Variants in PKNOX2 observed in about 807,000 individuals in gnomAD.
PKNOX2 encodes PBX/knotted 1 homeobox 2.
In PKNOX2, 14 loss-of-function variants were observed where a neutral mutation model predicts 53.1. The observed-to-expected ratio is 0.26, with a 90% confidence interval of 0.17 to 0.41. PKNOX2 has a LOEUF of 0.41. Ranked by LOEUF, PKNOX2 falls within the 10% of genes least tolerant of loss-of-function variation. The probability of loss-of-function intolerance (pLI) is 1.00; values close to 1 mark genes in which losing one functional copy is unlikely to be tolerated. For synonymous variants in PKNOX2, 257 were observed against 242.8 expected, an observed-to-expected ratio of 1.06 and a Z score of -0.54; for missense variants, 496 against 602.8, an observed-to-expected ratio of 0.82 and a Z score of 1.85.
In PKNOX2 at chr11:125,337,707, C is replaced by T. The variant is rs138387867; in HGVS notation, c.-23+5782C>T. Among the ~76,000 whole-genome samples, 175 of 151,126 alleles carry T rather than the reference C, an allele frequency of 1.2e-3. 1 individual carries two copies. Among genetic ancestry groups the T allele is most frequent in the African/African-American group, 3.9e-3 (158 of 40,462 alleles). On this transcript the variant is annotated intron_variant, in intron 3 of 12. Transcript: ENST00000298282. ...GCACAGGGAAATCTCCATTTTGCTA[C>T]GACTTCATTTCTTTTCCTTTGTCGT...
intron 1 of PKNOX2, among the ~76,000 whole-genome samples, chr11:125,222,202 G>A (rs1006561853): frequency 2.0e-5 from 3 of 152,128 alleles, no homozygotes; most frequent in African/African-American, 7.2e-5. Context: ...AACTGCCTTG[G>A]GGCCACAGTG....
intron 2 of PKNOX2, among the ~76,000 whole-genome samples, chr11:125,302,623 T>C (rs1219317795): frequency 4.6e-5 from 7 of 152,108 alleles, no homozygotes; most frequent in Non-Finnish European, 1.0e-4. Flanking sequence ...TGGGGGTGTT[T>C]AAAACAAGGC....
chr11:125,220,477 T>C (rs1941020647), intron 1 of PKNOX2, among the ~76,000 whole-genome samples: 1 of 152,072 alleles, frequency 6.6e-6, no homozygotes, highest in Non-Finnish European at 1.5e-5. Flanking sequence ...GGTGTGGGAT[T>C]GAGGGAGAAG....
At chr11:125,266,458 G>A (rs1945349539) in intron 2 of PKNOX2, among the ~76,000 whole-genome samples, 1 of 152,210 alleles carries the variant, frequency 6.6e-6, no homozygotes, top group South Asian at 2.1e-4. Context: ...CGAGACAGAG[G>A]CTGGAAGACA....
chr11:125,315,671 C>A (rs1949137665), intron 2 of PKNOX2, among the ~76,000 whole-genome samples: 1 of 152,166 alleles, frequency 6.6e-6, no homozygotes, highest in Non-Finnish European at 1.5e-5. Context: ...GCGTAGTGAC[C>A]CGCTCCATGC....
At chr11:125,228,954 C>A (rs1467680652) in intron 1 of PKNOX2, among the ~76,000 whole-genome samples, 1 of 152,136 alleles carries the variant, frequency 6.6e-6, no homozygotes, top group Non-Finnish European at 1.5e-5. Flanking sequence ...GGGAAAGTGT[C>A]CACAATGAAG....
At chr11:125,267,741 A>T (rs1339525480) in intron 2 of PKNOX2, among the ~76,000 whole-genome samples, 2 of 149,560 alleles carry the variant, frequency 1.3e-5, no homozygotes, top group Non-Finnish European at 2.9e-5. Flanking sequence ...TGTGTTGTGC[A>T]TGTGTGCGCG....
At chr11:125,300,454 T>C (rs576728953) in intron 2 of PKNOX2, among the ~76,000 whole-genome samples, 2 of 152,312 alleles carry the variant, frequency 1.3e-5, no homozygotes, top group African/African-American at 4.8e-5. Context: ...CCCACAGTTC[T>C]CCAGCTGGCA....
intron 7 of PKNOX2, among the ~76,000 whole-genome samples, chr11:125,403,355 A>G (rs538185537): frequency 6.6e-6 from 1 of 152,240 alleles, no homozygotes; most frequent in East Asian, 1.9e-4. Context: ...AGGGCTGGAG[A>G]CACGCTGGAG....
At chr11:125,360,701 G>T (rs559844368) in intron 4 of PKNOX2, among the ~76,000 whole-genome samples, 1 of 152,340 alleles carries the variant, frequency 6.6e-6, no homozygotes, top group Non-Finnish European at 1.5e-5. Flanking sequence ...GCCCACATGA[G>T]AGAAACAACA....
At chr11:125,361,000 C>T (rs1951895191) in intron 4 of PKNOX2, among the ~76,000 whole-genome samples, 1 of 152,198 alleles carries the variant, frequency 6.6e-6, no homozygotes, top group Admixed American at 6.5e-5. Flanking sequence ...CTGGGCTGGA[C>T]ACCCAAATCC....
At chr11:125,392,968 G>C (rs1277466426) in intron 6 of PKNOX2, among the ~76,000 whole-genome samples, 1 of 151,806 alleles carries the variant, frequency 6.6e-6, no homozygotes, top group East Asian at 1.9e-4. Flanking sequence ...ACTATCCTGG[G>C]AAACACAGTG....
In PKNOX2 at chr11:125,240,525, G is replaced by A. The variant is rs980503825; in HGVS notation, c.-130+5410G>A. 2.6e-5 allele frequency among the ~76,000 whole-genome samples: 4 copies of A among 152,124 alleles called. No individual in the cohort carries two copies. The highest frequency in any genetic ancestry group is 9.7e-5 in the African/African-American group (4 of 41,436). The stretch of plus-strand genomic sequence containing the variant: ...GAGACCCTTTCCCGCTGCAAGCAGG[G>A]CAAGAGGCTTTGAGCAGAGTTTGGA... On this transcript the variant is annotated intron_variant, in intron 2 of 12. Coordinates refer to ENST00000298282, the MANE Select transcript of PKNOX2 (RefSeq NM_001382323.2). This position sits in a 1 kb window ranked among gnomAD's most constrained non-coding sequence, Gnocchi z 4.3.
At chr11:125,428,201 G>A (rs541525711) in intron 10 of PKNOX2, among the ~76,000 whole-genome samples, 2 of 152,252 alleles carry the variant, frequency 1.3e-5, no homozygotes, top group East Asian at 3.9e-4. Context: ...GTCAGTGCAC[G>A]GGCTGCAGCA....
chr11:125,406,202 G>A (rs768857426), intron 7 of PKNOX2, among the ~76,000 whole-genome samples: 4 of 152,132 alleles, frequency 2.6e-5, no homozygotes, highest in Non-Finnish European at 5.9e-5. Flanking sequence ...GGTTTCCACC[G>A]CTGCTCTGGA....
At chr11:125,423,783 TG>T (rs1451364222) in intron 10 of PKNOX2, among the ~76,000 whole-genome samples, 2 of 152,044 alleles carry the variant, frequency 1.3e-5, no homozygotes, top group South Asian at 2.1e-4. Flanking sequence ...TTATCAGGGA[TG>T]GGGATGGGGA....
At chr11:125,259,817 G>A (rs1380927075) in intron 2 of PKNOX2, among the ~76,000 whole-genome samples, 1 of 151,868 alleles carries the variant, frequency 6.6e-6, no homozygotes, top group African/African-American at 2.4e-5. Flanking sequence ...CCTGCTTTCG[G>A]TTGACTGTCC....
chr11:125,222,630 T>TGC (rs1301302373), intron 1 of PKNOX2, among the ~76,000 whole-genome samples: 44 of 146,760 alleles, frequency 3.0e-4, no homozygotes, highest in African/African-American at 1.1e-3. Flanking sequence ...TGTATGTGTG[T>TGC]GTGTATGTGT....
At chr11:125,423,207 G>T (rs1241546315) in intron 10 of PKNOX2, among the ~76,000 whole-genome samples, 1 of 152,106 alleles carries the variant, frequency 6.6e-6, no homozygotes, top group Non-Finnish European at 1.5e-5. Context: ...AAGGTCTCAC[G>T]CCGGTTAGAG....
Sources: allele counts gnomAD v4.1 joint callset (sites outside exome capture counted in the v4.1 genomes callset), GRCh38; gene constraint gnomAD v4.1.1; non-coding constraint Gnocchi (gnomAD v3.1); transcripts MANE v1.5; gene names NCBI Gene and HGNC (gene_info 2026-07-23, HGNC 2026-07-21).